WHRN: variants seen among roughly 807,000 people sequenced by gnomAD.
The protein encoded by WHRN is whirlin.
Under a neutral mutation model 68.3 loss-of-function variants are expected in WHRN, and 41 were observed. The observed-to-expected ratio is 0.60, with a 90% confidence interval of 0.47 to 0.78. WHRN has a LOEUF of 0.78. Ranked by LOEUF, WHRN falls within the 30% of genes least tolerant of loss-of-function variation. The pLI, the probability that WHRN is intolerant of heterozygous loss-of-function variation, is 0.00. For missense variants in WHRN, 1,243 were observed against 1,244.7 expected (o/e 1.00, Z 0.02); for synonymous variants, 560 against 561.3 (o/e 1.00, Z 0.03).
intron 1 of WHRN, among the ~76,000 whole-genome samples, chr9:114,493,094 A>G (rs1373251861): frequency 6.6e-6 from 1 of 152,148 alleles, no homozygotes; most frequent in East Asian, 1.9e-4. Flanking sequence ...TCACGCCTGT[A>G]ATCCCAGTGT....
At chr9:114,404,671 G>A (rs1834896996) in intron 9 of WHRN, among the ~76,000 whole-genome samples, 2 of 152,154 alleles carry the variant, frequency 1.3e-5, no homozygotes, top group South Asian at 4.1e-4. Context: ...GAGTCTGGCA[G>A]GTCAGGTTTG....
chr9:114,433,294 T>G (rs1837572652), intron 3 of WHRN, among the ~76,000 whole-genome samples: 1 of 152,174 alleles, frequency 6.6e-6, no homozygotes, highest in South Asian at 2.1e-4. Flanking sequence ...CCAGAAGTTG[T>G]TAGGAGAGAA....
chr9:114,415,187 G>C (rs1289961896), intron 7 of WHRN, among the ~76,000 whole-genome samples: 1 of 151,932 alleles, frequency 6.6e-6, no homozygotes, highest in South Asian at 2.1e-4. Context: ...TGTGGCCCCA[G>C]TTACTCAGGA....
chr9:114,446,933 C>T (rs1165865408), intron 3 of WHRN, among the ~76,000 whole-genome samples: 2 of 151,864 alleles, frequency 1.3e-5, no homozygotes, highest in Non-Finnish European at 2.9e-5. Context: ...TCTGTCAGCC[C>T]CTCAGTCCCT....
At chr9:114,438,743 G>T (rs1185742950) in intron 3 of WHRN, among the ~76,000 whole-genome samples, 2 of 151,858 alleles carry the variant, frequency 1.3e-5, no homozygotes, top group African/African-American at 4.8e-5. Flanking sequence ...GAGCCACCGC[G>T]CCTGGCTAAC....
At chr9:114,427,721 T>G (rs914044793) in intron 3 of WHRN, among the ~76,000 whole-genome samples, 1 of 152,200 alleles carries the variant, frequency 6.6e-6, no homozygotes, top group African/African-American at 2.4e-5. Flanking sequence ...GTTGGGAGTT[T>G]CCAGTATAGA....
chr9:114,419,692 C>G (rs1836110245), intron 7 of WHRN, among the ~76,000 whole-genome samples: 1 of 152,202 alleles, frequency 6.6e-6, no homozygotes, highest in African/African-American at 2.4e-5. Context: ...ACATTCCAGA[C>G]AGAAAGCACA....
intron 7 of WHRN, among the ~76,000 whole-genome samples, chr9:114,421,872 T>C (rs1040150473): frequency 1.3e-5 from 2 of 152,172 alleles, no homozygotes; most frequent in Non-Finnish European, 2.9e-5. Context: ...GCAGGGCGAC[T>C]TGTGGGGACA....
intron 1 of WHRN, among the ~76,000 whole-genome samples, chr9:114,482,904 C>T (rs1009823674): frequency 2.0e-5 from 3 of 152,040 alleles, no homozygotes; most frequent in African/African-American, 7.2e-5. Flanking sequence ...TGCCCACCCC[C>T]AGTATTTTAC....
chr9:114,479,376 C>G (rs1211149861), intron 1 of WHRN, among the ~76,000 whole-genome samples: 2 of 152,182 alleles, frequency 1.3e-5, no homozygotes, highest in Non-Finnish European at 2.9e-5. Context: ...CCCGTGGAAG[C>G]CTGTGCCTGG....
chr9:114,404,257 C>T (rs1834873334), intron 9 of WHRN, among the ~76,000 whole-genome samples, 180 bp from the exon 10 acceptor site: 1 of 152,224 alleles, frequency 6.6e-6, no homozygotes. Flanking sequence ...ACCCTCTCCA[C>T]CTACTCAAGA....
At chr9:114,441,208 T>C (rs1246172213) in intron 3 of WHRN, among the ~76,000 whole-genome samples, 1 of 151,746 alleles carries the variant, frequency 6.6e-6, no homozygotes, top group Non-Finnish European at 1.5e-5. Flanking sequence ...ACAATATATG[T>C]GTTAATTGGC....
chr9:114,402,545 G>A lies in WHRN; in HGVS notation c.*209C>T. The A allele has an allele frequency of 1.5e-6, 1 of 660,384 alleles. No individual in the cohort carries two copies. The highest frequency in any genetic ancestry group is 1.8e-5 in the South Asian group (1 of 57,010). The allele number at this position is 660,384 out of a possible 1,614,324, so 40.9% of individuals were successfully genotyped here. ...GGGCGCCTACTGTGTACCCAGTACA[G>A]CACCAGTTCCTGACCTGACCTTCTG... On this transcript the variant is annotated 3_prime_UTR_variant, in exon 12 of 12. Coordinates refer to ENST00000362057, the MANE Select transcript of WHRN (RefSeq NM_015404.4).
intron 3 of WHRN, among the ~76,000 whole-genome samples, chr9:114,452,747 C>T (rs1192303461): frequency 6.6e-6 from 1 of 152,182 alleles, no homozygotes; most frequent in Non-Finnish European, 1.5e-5. Flanking sequence ...ACATTAGGTG[C>T]CATCTTCAGC....
chr9:114,405,622 G>T (rs1051789737), intron 9 of WHRN, among the ~76,000 whole-genome samples: 1 of 152,188 alleles, frequency 6.6e-6, no homozygotes, highest in Admixed American at 6.5e-5. Flanking sequence ...TTCTCACCAC[G>T]TCTGCCTGCT....
chr9:114,419,457 A>T (rs1273662201), intron 7 of WHRN, among the ~76,000 whole-genome samples: 1 of 152,238 alleles, frequency 6.6e-6, no homozygotes, highest in African/African-American at 2.4e-5. Context: ...GCCCTCAAGC[A>T]GTCAGCAGTC....
intron 2 of WHRN, 64 bp downstream of exon 2, chr9:114,478,489 G>A (rs1589229031): frequency 1.3e-6 from 2 of 1,580,346 alleles, no homozygotes; most frequent in Middle Eastern, 1.7e-4. Context: ...CAGCTCTGCT[G>A]TTCTGGGTTC....
Position 114,407,908 on chromosome 9 carries a change from C to G in WHRN, c.1698+39G>C, listed in dbSNP as rs566050511. 2.5e-5 allele frequency: 38 copies of G among 1,549,942 alleles called. No homozygotes were observed. In the South Asian group the frequency reaches 4.0e-4, roughly 16 times the overall value. ...AGAGAGCCACCAGGACCTGAGCACA[C>G]CAGGGAGAGCAGAACCAAAGGGCCA... On this transcript the variant is annotated intron_variant, in intron 8 of 11. Coordinates refer to ENST00000362057, the MANE Select transcript of WHRN (RefSeq NM_015404.4).
intron 2 of WHRN, among the ~76,000 whole-genome samples, chr9:114,467,179 G>T (rs1017181973): frequency 1.3e-5 from 2 of 151,564 alleles, no homozygotes; most frequent in Admixed American, 6.6e-5. Context: ...TTCTCCTGAC[G>T]TCTGCTGTCT....
Sources: allele counts gnomAD v4.1 joint callset (sites outside exome capture counted in the v4.1 genomes callset), GRCh38; gene constraint gnomAD v4.1.1; transcripts MANE v1.5; gene names NCBI Gene and HGNC (gene_info 2026-07-23, HGNC 2026-07-21).